PALS1: variants seen among roughly 807,000 people sequenced by gnomAD.
PALS1 encodes protein PALS1.
PALS1 carries 31 observed loss-of-function variants against 78.9 expected under a neutral mutation model. The observed-to-expected ratio is 0.39, with a 90% CI of 0.30 to 0.53. PALS1 has a LOEUF of 0.53. PALS1 is among the 20% of genes least tolerant of loss of function. The pLI is 0.67. For synonymous variants in PALS1, 276 were observed against 270.9 expected (o/e 1.02, Z -0.18); for missense variants, 704 against 826.5 (o/e 0.85, Z 1.82).
intron 11 of PALS1, among the ~76,000 whole-genome samples, chr14:67,319,694 C>T (rs1020694963): frequency 2.0e-5 from 3 of 152,082 alleles, no homozygotes; most frequent in South Asian, 2.1e-4. Context: ...CATTCAAAGC[C>T]GTCCTGGGCT....
At chr14:67,322,839 A>G (rs1371639195) in intron 13 of PALS1, among the ~76,000 whole-genome samples, 1 of 152,234 alleles carries the variant, frequency 6.6e-6, no homozygotes, top group East Asian at 1.9e-4. Flanking sequence ...CCATTTTGAT[A>G]GAGCGTGTCA....
At chr14:67,293,623 T>C (rs1040651794) in intron 4 of PALS1, among the ~76,000 whole-genome samples, 1 of 152,144 alleles carries the variant, frequency 6.6e-6, no homozygotes, top group African/African-American at 2.4e-5. Flanking sequence ...CTTACGGAGA[T>C]TGAAATAACA....
chr14:67,308,312 TC>T (rs2085037461), intron 8 of PALS1, among the ~76,000 whole-genome samples: 1 of 132,454 alleles, frequency 7.5e-6, no homozygotes, highest in Non-Finnish European at 1.6e-5. Flanking sequence ...AAACCAAACT[TC>T]CTTTTTTTTT....
intron 1 of PALS1, among the ~76,000 whole-genome samples, chr14:67,261,190 A>C (rs1241707667): frequency 1.3e-5 from 2 of 152,194 alleles, no homozygotes; most frequent in Non-Finnish European, 2.9e-5. Flanking sequence ...AAACTTGAAA[A>C]GGGACACTGT....
Position 67,321,997 on chromosome 14 carries a change from G to A in PALS1, c.1740+738G>A, listed in dbSNP as rs138550066. Among the ~76,000 whole-genome samples the A allele has an allele frequency of 4.6e-3, 694 of 152,216 alleles. 3 individuals carry two copies. Among genetic ancestry groups the A allele is most frequent in the Non-Finnish European group, 7.0e-3 (478 of 67,990 alleles). On this transcript the variant is annotated intron_variant, in intron 13 of 14. Coordinates refer to ENST00000261681, the MANE Select transcript of PALS1 (RefSeq NM_022474.4). The stretch of plus-strand genomic sequence containing the variant: ...TAACAAGTATCACAGTGAATGCTTG[G>A]TTGTATGAAAATAATGAGACCTCAG...
chr14:67,244,517 A>G (rs2083957631), intron 1 of PALS1, among the ~76,000 whole-genome samples: 1 of 152,238 alleles, frequency 6.6e-6, no homozygotes, highest in Non-Finnish European at 1.5e-5. Context: ...AATGAAGTTA[A>G]CTTTTCATTG....
At chr14:67,259,403 G>A (rs2084197218) in intron 1 of PALS1, among the ~76,000 whole-genome samples, 1 of 151,842 alleles carries the variant, frequency 6.6e-6, no homozygotes, top group African/African-American at 2.4e-5. Flanking sequence ...TTGAGGTTAG[G>A]ACTTTGAGAC....
intron 1 of PALS1, among the ~76,000 whole-genome samples, chr14:67,265,721 G>T (rs1468009466): frequency 2.6e-5 from 4 of 151,900 alleles, no homozygotes; most frequent in Non-Finnish European, 4.4e-5. Flanking sequence ...ACCAGTTGCA[G>T]TGACACGCCC....
chr14:67,323,615 A>AATATATATATATTAGATTATAT, intron 13 of PALS1, 87 bp from the exon 14 acceptor site: 2 of 258,784 alleles, frequency 7.7e-6, no homozygotes, highest in Non-Finnish European at 7.0e-6. Flanking sequence ...CCCTTAATCT[A>AATATATATATATTAGATTATAT]ATATATATAT....
chr14:67,275,213 T>A (rs527288853), intron 2 of PALS1, among the ~76,000 whole-genome samples: 1 of 152,338 alleles, frequency 6.6e-6, no homozygotes, highest in South Asian at 2.1e-4. Context: ...TGAAAGAGAA[T>A]GCTTCCAGTT....
At chr14:67,283,813 C>T (rs1029236457) in intron 3 of PALS1, among the ~76,000 whole-genome samples, 2 of 152,182 alleles carry the variant, frequency 1.3e-5, no homozygotes, top group African/African-American at 4.8e-5. Flanking sequence ...CTACATCATT[C>T]AGTCTTTGAC....
chr14:67,319,719 G>C (rs1276941965), intron 11 of PALS1, among the ~76,000 whole-genome samples: 1 of 152,164 alleles, frequency 6.6e-6, no homozygotes, highest in East Asian at 1.9e-4. Context: ...GCAGCTCATG[G>C]GCCACGGGTT....
intron 13 of PALS1, among the ~76,000 whole-genome samples, chr14:67,323,430 C>A (rs919123212): frequency 9.9e-5 from 15 of 151,388 alleles, no homozygotes; most frequent in African/African-American, 3.6e-4. Flanking sequence ...GCCTGGACAA[C>A]AAAGCGAGAT....
At chr14:67,253,650 G>A (rs914307801) in intron 1 of PALS1, among the ~76,000 whole-genome samples, 2 of 152,056 alleles carry the variant, frequency 1.3e-5, no homozygotes, top group African/African-American at 4.8e-5. Flanking sequence ...TTCCAGACCC[G>A]CCTAGACAAC....
At chr14:67,302,630 T>C (rs1382648268) in intron 7 of PALS1, 59 bp downstream of exon 7, 9 of 1,243,956 alleles carry the variant, frequency 7.2e-6, no homozygotes, top group East Asian at 5.6e-5. Flanking sequence ...TATTAGACTT[T>C]AGAATAAAAT....
At chr14:67,320,134 G>A (rs1298893196) in intron 11 of PALS1, 96 bp from the exon 12 acceptor site, 13 of 1,083,178 alleles carry the variant, frequency 1.2e-5, no homozygotes, top group East Asian at 7.9e-5. Context: ...AATAAATTGT[G>A]CTTTTGTCTA....
In PALS1 at chr14:67,335,264, T is replaced by A. The variant is rs1469021707; in HGVS notation, c.*2308T>A. The A allele has an allele frequency of 6.6e-6, 1 of 152,212 alleles. No homozygotes were observed. Among genetic ancestry groups the A allele is most frequent in the South Asian group, 2.1e-4 (1 of 4,836 alleles). The allele number at this position is 152,212 out of a possible 1,614,324, so 9.4% of individuals were successfully genotyped here. A position where few individuals can be genotyped will look rare whatever the true frequency, so the allele number is the denominator to read the frequency against. On this transcript the variant is annotated 3_prime_UTR_variant, in exon 15 of 15. Coordinates refer to ENST00000261681, the MANE Select transcript of PALS1 (RefSeq NM_022474.4). The stretch of plus-strand genomic sequence containing the variant: ...TCAACATAGTCCTTAAAGTGAAAAC[T>A]GAGTTGTTGCTGACCTCCACAAAAG...
At chr14:67,310,670 T>C (rs780565931) in intron 8 of PALS1, among the ~76,000 whole-genome samples, 2 of 152,252 alleles carry the variant, frequency 1.3e-5, no homozygotes, top group Non-Finnish European at 2.9e-5. Context: ...TTAACTTTTA[T>C]ATCTTTGTAT....
intron 1 of PALS1, among the ~76,000 whole-genome samples, chr14:67,252,404 C>T (rs1396153553): frequency 6.6e-6 from 1 of 152,122 alleles, no homozygotes. Context: ...GTCCTCCAGC[C>T]TTGGCCTCCC....
Sources: gnomAD v4.1 joint callset for allele counts (sites outside exome capture counted in the v4.1 genomes callset) on GRCh38, gnomAD v4.1.1 for gene constraint, MANE v1.5 for transcripts, NCBI Gene and HGNC (gene_info 2026-07-23, HGNC 2026-07-21) for gene names.